The following TENM1 variants were observed in gnomAD, a reference collection of about 807,000 sequenced individuals.
The protein encoded by TENM1 is teneurin-1.
TENM1 carries 35 observed loss-of-function variants against 174.8 expected under a neutral mutation model. That is an observed-to-expected ratio of 0.20 (90% CI 0.15 to 0.27). The LOEUF (loss-of-function observed/expected upper bound fraction) is 0.27, where lower values mean the gene tolerates loss of function less well. Ranked by LOEUF, TENM1 falls within the 10% of genes least tolerant of loss-of-function variation. The pLI is 1.00. For missense variants in TENM1, 1,633 were observed against 2,130.1 expected (o/e 0.77, Z 4.59); for synonymous variants, 781 against 798.7 (o/e 0.98, Z 0.37).
chrX:124,750,826 T>C (rs148711843), intron 3 of TENM1, among the ~76,000 whole-genome samples: 3 of 112,212 alleles, frequency 2.7e-5, no homozygotes, highest in African/African-American at 9.7e-5. Flanking sequence ...ACTGTGCTTA[T>C]ACCAATCTTG....
At chrX:124,424,332 C>T (rs1194664453) in intron 23 of TENM1, among the ~76,000 whole-genome samples, 1 of 111,913 alleles carries the variant, frequency 8.9e-6, no homozygotes, top group African/African-American at 3.3e-5. Flanking sequence ...GTGTTAAGAA[C>T]GTTTAAAATC....
intron 11 of TENM1, among the ~76,000 whole-genome samples, chrX:124,613,303 G>A (rs1046546645): frequency 9.0e-6 from 1 of 111,139 alleles, no homozygotes; most frequent in Non-Finnish European, 1.9e-5. Context: ...GAAATGACCC[G>A]GATAAGAAGT....
intron 3 of TENM1, among the ~76,000 whole-genome samples, chrX:124,804,681 C>T (rs974146463): frequency 9.0e-6 from 1 of 111,633 alleles, no homozygotes. Flanking sequence ...ACAAGGACCA[C>T]AAGAAGATGA....
intron 3 of TENM1, among the ~76,000 whole-genome samples, chrX:124,807,463 T>C (rs1019383320): frequency 8.9e-6 from 1 of 112,105 alleles, no homozygotes; most frequent in Non-Finnish European, 1.9e-5. Context: ...AGGAAAAGAA[T>C]GTCAATGAAT....
the TENM1 span, among the ~76,000 whole-genome samples, chrX:125,114,837 C>A: frequency 3.6e-5 from 4 of 111,765 alleles, no homozygotes; most frequent in African/African-American, 1.3e-4. Context: ...ACCATTCCTT[C>A]TGAAACTACT....
chrX:125,123,513 G>GT, the TENM1 span, among the ~76,000 whole-genome samples: 1 of 111,081 alleles, frequency 9.0e-6, no homozygotes, highest in East Asian at 2.8e-4. Context: ...GGAGGCTGAG[G>GT]TAAGAGGATC....
chrX:125,049,973 A>T, the TENM1 span, among the ~76,000 whole-genome samples: 1 of 108,962 alleles, frequency 9.2e-6, no homozygotes. Context: ...TTTGATGTCT[A>T]CCTCTTTACC....
At chrX:124,419,133 A>G (rs549712727) in intron 25 of TENM1, among the ~76,000 whole-genome samples, 73 of 112,348 alleles carry the variant, frequency 6.5e-4, no homozygotes, top group Middle Eastern at 9.2e-3. Flanking sequence ...CTTTCAAAAA[A>G]CAGAGGAAGA....
intron 10 of TENM1, among the ~76,000 whole-genome samples, chrX:124,643,796 T>C (rs1461510049): frequency 9.1e-6 from 1 of 110,275 alleles, no homozygotes; most frequent in Non-Finnish European, 1.9e-5. Context: ...TTAAGTGAAC[T>C]CTTTTCTAAA....
intron 3 of TENM1, among the ~76,000 whole-genome samples, chrX:124,830,074 G>T (rs1380722448): frequency 4.5e-5 from 5 of 111,740 alleles, no homozygotes; most frequent in African/African-American, 1.6e-4. Flanking sequence ...TCCCAGGGGA[G>T]TTTATTTGCA....
At chrX:125,103,161 T>A in the TENM1 span, among the ~76,000 whole-genome samples, 1 of 112,112 alleles carries the variant, frequency 8.9e-6, no homozygotes, top group Non-Finnish European at 1.9e-5. Context: ...TGGGTGTATG[T>A]GTTGAACTTA....
chrX:124,870,454 G>T (rs2057088602), intron 3 of TENM1, among the ~76,000 whole-genome samples: 1 of 111,660 alleles, frequency 9.0e-6, no homozygotes, highest in South Asian at 3.8e-4. Context: ...GCAGGGTAAA[G>T]GTATTAAGAG....
chrX:124,821,768 G>A (rs1267148144), intron 3 of TENM1, among the ~76,000 whole-genome samples: 5 of 111,989 alleles, frequency 4.5e-5, no homozygotes, highest in Non-Finnish European at 9.4e-5. Context: ...AAGAAGCTAA[G>A]AGAGTTTTAC....
intron 3 of TENM1, among the ~76,000 whole-genome samples, chrX:124,866,080 C>CT (rs999948449): frequency 8.9e-6 from 1 of 111,842 alleles, no homozygotes; most frequent in African/African-American, 3.2e-5. Flanking sequence ...CAACACCCCA[C>CT]TTTCAGCATT....
chrX:125,045,383 C>G, the TENM1 span, among the ~76,000 whole-genome samples: 1 of 111,052 alleles, frequency 9.0e-6, no homozygotes, highest in African/African-American at 3.3e-5. Context: ...TGAAATATAC[C>G]TTAAACTAAT....
chrX:124,951,507 T>C (rs1354166374), intron 1 of TENM1, among the ~76,000 whole-genome samples: 1 of 109,310 alleles, frequency 9.1e-6, no homozygotes, highest in Non-Finnish European at 1.9e-5. Flanking sequence ...AATTTTAGAC[T>C]AACTCTTGTT....
intron 25 of TENM1, 102 bp from the exon 29 acceptor site, chrX:124,406,591 TGA>T: frequency 2.0e-6 from 1 of 490,495 alleles, no homozygotes; most frequent in Non-Finnish European, 3.4e-6. Context: ...TAACTTTGAG[TGA>T]TAACAAGTAT....
chrX:124,622,837 A>C (rs932473463), intron 11 of TENM1, among the ~76,000 whole-genome samples: 13 of 111,643 alleles, frequency 1.2e-4, no homozygotes, highest in Non-Finnish European at 1.9e-5. Context: ...ATTTACAACT[A>C]TTACAAAATT....
chrX:124,412,212 C>T (rs2060544540), intron 25 of TENM1: 1 of 113,023 alleles, frequency 8.8e-6, no homozygotes, highest in Admixed American at 9.3e-5. Context: ...TTCCTCAGCA[C>T]TGTCATAGGC....
Sources: allele counts gnomAD v4.1 joint callset (sites outside exome capture counted in the v4.1 genomes callset), GRCh38; gene constraint gnomAD v4.1.1; transcripts MANE v1.5; gene names NCBI Gene and HGNC (gene_info 2026-07-23, HGNC 2026-07-21).